Variants in IQCB1 observed in about 807,000 individuals in gnomAD.
IQCB1 encodes the protein IQ motif containing B1.
IQCB1 carries 56 observed loss-of-function variants against 84.4 expected under a neutral mutation model. The observed-to-expected ratio is 0.66, with a 90% confidence interval of 0.54 to 0.83. IQCB1 has a LOEUF of 0.83. Ranked by LOEUF, IQCB1 falls within the 40% of genes least tolerant of loss-of-function variation. IQCB1 has a pLI of 0.00. For missense variants in IQCB1, 629 were observed against 682.1 expected (o/e 0.92, Z 0.87); for synonymous variants, 210 against 234.8 (o/e 0.89, Z 0.96).
chr3:121,788,505 A>G (rs1421363218), intron 11 of IQCB1, 73 bp from the exon 12 acceptor site: 16 of 1,316,218 alleles, frequency 1.2e-5, no homozygotes, highest in Non-Finnish European at 1.5e-5. Flanking sequence ...CAGGACAATG[A>G]TAATAATAAT....
chr3:121,813,405 C>A (rs138907793), intron 5 of IQCB1, among the ~76,000 whole-genome samples: 2,308 of 152,276 alleles, frequency 0.015, 62 homozygotes, highest in African/African-American at 0.052. Flanking sequence ...ATGACAGGAT[C>A]AAATTCACAC....
At chr3:121,776,309 G>A (rs1948225486) in intron 13 of IQCB1, among the ~76,000 whole-genome samples, 1 of 152,178 alleles carries the variant, frequency 6.6e-6, no homozygotes, top group Admixed American at 6.5e-5. Context: ...TTTTGGCCAT[G>A]AGCATTCATG....
At chr3:121,775,146 C>T (rs1401825182) in intron 13 of IQCB1, among the ~76,000 whole-genome samples, 1 of 152,132 alleles carries the variant, frequency 6.6e-6, no homozygotes, top group Non-Finnish European at 1.5e-5. Flanking sequence ...TTCATTCTAC[C>T]TCTGCTCACA....
chr3:121,771,413 C>T (rs934336692), intron 14 of IQCB1, among the ~76,000 whole-genome samples: 3 of 151,838 alleles, frequency 2.0e-5, no homozygotes, highest in Non-Finnish European at 4.4e-5. Flanking sequence ...ACTACAACCT[C>T]CGCCTCCCGG....
At position 121,790,338 on chromosome 3, in the gene IQCB1, G is replaced by C. The variant is rs1576559675; in HGVS notation, c.987-123C>G. On this transcript the variant is annotated intron_variant, in intron 10 of 14. Coordinates refer to ENST00000310864, the MANE Select transcript of IQCB1 (RefSeq NM_001023570.4). ...TTAAGATAATTTCTAGTGTTAATAA[G>C]GTATGATAAAATAGCTTGTCATCTG... 1.1e-5 allele frequency: 9 copies of C among 807,736 alleles called. No individual in the cohort carries two copies. The South Asian group carries it at 1.6e-4, about 15-fold the overall frequency. 50.0% of individuals were successfully genotyped at this position (807,736 alleles called of 1,614,324 possible).
intron 7 of IQCB1, among the ~76,000 whole-genome samples, chr3:121,803,442 T>G (rs1429858103): frequency 6.6e-6 from 1 of 152,240 alleles, no homozygotes; most frequent in East Asian, 1.9e-4. Flanking sequence ...ACATGTATTC[T>G]GCTACTGTTT....
intron 5 of IQCB1, among the ~76,000 whole-genome samples, chr3:121,811,512 A>G (rs182462177): frequency 6.6e-6 from 1 of 152,296 alleles, no homozygotes; most frequent in East Asian, 1.9e-4. Flanking sequence ...GCTAAGAACC[A>G]TTGCCTTGAA....
chr3:121,773,207 G>A (rs954901302), intron 13 of IQCB1, among the ~76,000 whole-genome samples: 2 of 151,732 alleles, frequency 1.3e-5, no homozygotes, highest in Non-Finnish European at 2.9e-5. Context: ...CCAGCTACTC[G>A]GGAGGCTGAG....
At chr3:121,794,861 A>G (rs1251804847) in intron 10 of IQCB1, among the ~76,000 whole-genome samples, 2 of 152,170 alleles carry the variant, frequency 1.3e-5, no homozygotes, top group Non-Finnish European at 2.9e-5. Context: ...GTTAGGCTGC[A>G]TGAAAAAGTC....
intron 7 of IQCB1, among the ~76,000 whole-genome samples, chr3:121,800,568 C>G (rs1465736777): frequency 1.3e-5 from 2 of 151,750 alleles, no homozygotes; most frequent in African/African-American, 4.8e-5. Flanking sequence ...GGATGCTCAC[C>G]CTGTCCCATC....
chr3:121,784,497 A>G (rs537742717), intron 12 of IQCB1, among the ~76,000 whole-genome samples: 285 of 152,204 alleles, frequency 1.9e-3, no homozygotes, highest in Non-Finnish European at 3.1e-3. Context: ...TATCTCTCTG[A>G]GGATATTAAT....
At chr3:121,798,760 T>C (rs1167130469) in intron 8 of IQCB1, among the ~76,000 whole-genome samples, 1 of 151,640 alleles carries the variant, frequency 6.6e-6, no homozygotes, top group Non-Finnish European at 1.5e-5. Context: ...GGTAAGGCAA[T>C]TTTTTTTGTT....
intron 13 of IQCB1, among the ~76,000 whole-genome samples, chr3:121,780,079 A>G (rs1332882335): frequency 1.3e-5 from 2 of 152,164 alleles, no homozygotes; most frequent in African/African-American, 4.8e-5. Flanking sequence ...GATTCTGTAG[A>G]TATCTGGGGT....
rs192781435 is a variant in IQCB1 at position 121,790,402 on chromosome 3, T to C, written c.987-187A>G. Among the ~76,000 whole-genome samples the C allele has an allele frequency of 5.3e-5, 8 of 152,340 alleles. No individual in the cohort carries two copies. In the East Asian group the frequency reaches 1.3e-3, roughly 26 times the overall value. On this transcript the variant is annotated intron_variant, in intron 10 of 14. Coordinates refer to ENST00000310864, the MANE Select transcript of IQCB1 (RefSeq NM_001023570.4). ...ATCTTTCTGTAGAAATATTTGAATA[T>C]ATGCATTAAAAGTCTGGAAAAATAT...
intron 13 of IQCB1, among the ~76,000 whole-genome samples, chr3:121,777,006 A>G (rs1383145645): frequency 1.3e-5 from 2 of 152,230 alleles, no homozygotes; most frequent in African/African-American, 2.4e-5. Flanking sequence ...AATAAAGCCA[A>G]TATATCAAAT....
chr3:121,798,964 A>C (rs1949301645), intron 8 of IQCB1, among the ~76,000 whole-genome samples: 1 of 151,846 alleles, frequency 6.6e-6, no homozygotes, highest in African/African-American at 2.4e-5. Flanking sequence ...AGAGGGAGTA[A>C]ATATTTATGG....
At chr3:121,787,749 CA>C (rs61374218) in intron 12 of IQCB1, among the ~76,000 whole-genome samples, 26,468 of 123,932 alleles carry the variant, frequency 0.21, 2,778 homozygotes, top group East Asian at 0.63. Context: ...GAATCCGTCT[CA>C]AAAAAAAAAA....
Position 121,776,984 on chromosome 3 carries a change from GT to G in IQCB1, c.1411-4272del, listed in dbSNP as rs1435301456. The stretch of plus-strand genomic sequence containing the variant: ...TGTTAATGGTGTCTTATGAAGAGAA[GT>G]TTTAAATTTCAATAAAGCCAATATA... On this transcript the variant is annotated intron_variant, in intron 13 of 14. Transcript: ENST00000310864. 7.2e-5 allele frequency among the ~76,000 whole-genome samples: 11 copies of G among 152,282 alleles called. No homozygotes were observed. The East Asian group carries it at 2.1e-3, about 29-fold the overall frequency.
At position 121,770,315 on chromosome 3, in the gene IQCB1, G is replaced by C. The variant is rs1194523421; in HGVS notation, c.*30C>G. 2 of 1,429,186 alleles carry C rather than the reference G, an allele frequency of 1.4e-6. No homozygotes were observed. The highest frequency in any genetic ancestry group is 4.5e-5 in the East Asian group (2 of 43,984). 88.5% of individuals were successfully genotyped at this position (1,429,186 alleles called of 1,614,324 possible). A position where few individuals can be genotyped will look rare whatever the true frequency, so the allele number is the denominator to read the frequency against. The stretch of plus-strand genomic sequence containing the variant: ...GAACCAATATAATCTCCTAAAATAT[G>C]AGATTTGTGTCAATTCTTAGGGTTA... On this transcript the variant is annotated 3_prime_UTR_variant, in exon 15 of 15. Coordinates refer to ENST00000310864, the MANE Select transcript of IQCB1 (RefSeq NM_001023570.4).
Sources: gnomAD v4.1 joint callset for allele counts (sites outside exome capture counted in the v4.1 genomes callset) on GRCh38, gnomAD v4.1.1 for gene constraint, MANE v1.5 for transcripts, NCBI Gene and HGNC (gene_info 2026-07-23, HGNC 2026-07-21) for gene names.